Variants in CNBD1 observed in about 807,000 individuals in gnomAD.
The protein encoded by CNBD1 is cyclic nucleotide binding domain containing 1.
A neutral mutation model predicts 54.4 loss-of-function variants in CNBD1; 71 were observed. The ratio of observed to expected loss-of-function variants is 1.30; its 90% CI spans 1.08 to 1.59. The LOEUF is 1.59. CNBD1 is among the 40% of genes most tolerant of loss of function. The pLI is 0.00. For synonymous variants in CNBD1, 182 were observed against 170.7 expected (o/e 1.07, Z -0.51); for missense variants, 659 against 518.0 (o/e 1.27, Z -2.64).
chr8:87,079,941 A>T (rs1810954545), intron 4 of CNBD1, among the ~76,000 whole-genome samples: 1 of 152,130 alleles, frequency 6.6e-6, no homozygotes, highest in Non-Finnish European at 1.5e-5. Context: ...TTCCAGTTTT[A>T]AGTTTTAAAT....
At chr8:87,257,117 C>A (rs1454290791) in intron 6 of CNBD1, among the ~76,000 whole-genome samples, 3 of 151,960 alleles carry the variant, frequency 2.0e-5, no homozygotes, top group Non-Finnish European at 4.4e-5. Flanking sequence ...TGCCTGTAAT[C>A]CCAGCGCTTT....
At position 86,959,526 on chromosome 8, in the gene CNBD1, T is replaced by G. The variant is rs1293344407; in HGVS notation, c.431+19772T>G. 2.0e-5 allele frequency among the ~76,000 whole-genome samples: 3 copies of G among 152,170 alleles called. No individual in the cohort carries two copies. The East Asian group carries it at 5.8e-4, about 29-fold the overall frequency. Reference sequence around the variant, plus strand: ...TTGGTCTTTTCACATAGTCCCATATTTCTTGGAGGCTTTCTTCATTTCTTT... The same window carrying G: ...TTGGTCTTTTCACATAGTCCCATATGTCTTGGAGGCTTTCTTCATTTCTTT... On this transcript the variant is annotated intron_variant, in intron 4 of 10. Coordinates refer to ENST00000518476, the MANE Select transcript of CNBD1 (RefSeq NM_173538.3).
intron 10 of CNBD1, among the ~76,000 whole-genome samples, chr8:87,354,287 C>T (rs1173583927): frequency 6.6e-6 from 1 of 151,988 alleles, no homozygotes; most frequent in Non-Finnish European, 1.5e-5. Context: ...GAAAGCATTC[C>T]ATTGCAGCAT....
At chr8:87,098,705 A>G (rs1811364445) in intron 4 of CNBD1, among the ~76,000 whole-genome samples, 1 of 149,354 alleles carries the variant, frequency 6.7e-6, no homozygotes, top group Non-Finnish European at 1.5e-5. Flanking sequence ...TGTATTAGAC[A>G]CTACTTTTGG....
chr8:87,342,350 T>C (rs907540995), intron 8 of CNBD1, among the ~76,000 whole-genome samples: 35 of 152,262 alleles, frequency 2.3e-4, no homozygotes, highest in African/African-American at 7.7e-4. Context: ...AGTAAGAGTC[T>C]GGTGCTTCCT....
intron 8 of CNBD1, among the ~76,000 whole-genome samples, chr8:87,345,839 C>T (rs1362724413): frequency 1.3e-5 from 2 of 152,034 alleles, no homozygotes; most frequent in Admixed American, 1.3e-4. Context: ...GTAATTAAGT[C>T]TGTTGACTAC....
chr8:87,426,712 C>T lies in CNBD1; in HGVS notation c.214-1834C>T, dbSNP rs578086223. On this transcript the variant is annotated intron_variant, in intron 2 of 7. Transcript: ENST00000521593. Reference sequence around the variant, plus strand: ...TTTCTGTGAGGACTACATGAAATAACGGCAATTGCAGATTCTGTGAGGTGG... The same window carrying T: ...TTTCTGTGAGGACTACATGAAATAATGGCAATTGCAGATTCTGTGAGGTGG... Among the ~76,000 whole-genome samples the T allele has an allele frequency of 1.9e-4, 29 of 152,144 alleles. 1 individual carries two copies. The highest frequency in any genetic ancestry group is 1.7e-3 in the South Asian group (8 of 4,822).
At chr8:87,243,321 C>T (rs1413166334) in intron 6 of CNBD1, among the ~76,000 whole-genome samples, 1 of 152,196 alleles carries the variant, frequency 6.6e-6, no homozygotes, top group Non-Finnish European at 1.5e-5. Context: ...TTGTTTCAAA[C>T]AAGAACATAT....
At chr8:87,296,213 T>C (rs1250237458) in intron 8 of CNBD1, among the ~76,000 whole-genome samples, 2 of 152,224 alleles carry the variant, frequency 1.3e-5, no homozygotes, top group East Asian at 1.9e-4. Flanking sequence ...TCCTGTCTTC[T>C]ACCCATAGGA....
At chr8:87,007,003 C>A (rs1356037250) in intron 4 of CNBD1, among the ~76,000 whole-genome samples, 1 of 152,180 alleles carries the variant, frequency 6.6e-6, no homozygotes, top group African/African-American at 2.4e-5. Flanking sequence ...TCAAGACCAG[C>A]CTGGCCAACA....
At chr8:86,925,687 C>T (rs1167413488) in intron 3 of CNBD1, among the ~76,000 whole-genome samples, 1 of 149,830 alleles carries the variant, frequency 6.7e-6, no homozygotes, top group East Asian at 2.0e-4. Context: ...TTGTGATCAG[C>T]CTTGCTAACA....
intron 4 of CNBD1, among the ~76,000 whole-genome samples, chr8:87,121,677 C>T (rs1811893092): frequency 6.6e-6 from 1 of 151,730 alleles, no homozygotes; most frequent in African/African-American, 2.4e-5. Context: ...TCCCTGTACT[C>T]CCAATCAGCT....
chr8:87,292,776 C>A (rs547931229), intron 8 of CNBD1, among the ~76,000 whole-genome samples: 102 of 152,170 alleles, frequency 6.7e-4, no homozygotes, highest in Non-Finnish European at 1.0e-3. Context: ...TGGAAGAAGT[C>A]AGGAGCAGCT....
At chr8:87,263,307 T>C (rs1355070086) in intron 6 of CNBD1, among the ~76,000 whole-genome samples, 1 of 152,218 alleles carries the variant, frequency 6.6e-6, no homozygotes, top group Admixed American at 6.6e-5. Context: ...AACTTTTTTC[T>C]ATTTTTAAGC....
intron 3 of CNBD1, among the ~76,000 whole-genome samples, chr8:86,938,916 A>G (rs1210650021): frequency 9.2e-5 from 14 of 152,214 alleles, no homozygotes. Flanking sequence ...CTTCCTATGT[A>G]TATAATTAAA....
In CNBD1 at chr8:87,137,301, A is replaced by G. The variant is rs184807014; in HGVS notation, c.432-68692A>G. On this transcript the variant is annotated intron_variant, in intron 4 of 10. Transcript: ENST00000518476. ...AAGCTCCGCCTCCTGGGTTCACACTATTCTCCTGCCTCAGCCTCCCGAGTA... is the reference window on the plus strand; with the variant it reads ...AAGCTCCGCCTCCTGGGTTCACACTGTTCTCCTGCCTCAGCCTCCCGAGTA... Among the ~76,000 whole-genome samples the G allele has an allele frequency of 8.0e-3, 1,208 of 150,522 alleles. 10 individuals carry two copies. The highest frequency in any genetic ancestry group is 0.028 in the Middle Eastern group (8 of 288).
intron 8 of CNBD1, among the ~76,000 whole-genome samples, chr8:87,348,973 TC>T (rs1563564008): frequency 6.6e-6 from 1 of 152,214 alleles, no homozygotes; most frequent in Non-Finnish European, 1.5e-5. Flanking sequence ...TTCATAATGA[TC>T]TAATGCTTTC....
At chr8:86,927,141 A>G (rs1809375051) in intron 3 of CNBD1, among the ~76,000 whole-genome samples, 1 of 152,108 alleles carries the variant, frequency 6.6e-6, no homozygotes, top group African/African-American at 2.4e-5. Flanking sequence ...TCATTTTCCC[A>G]TACTCCTAGA....
intron 4 of CNBD1, among the ~76,000 whole-genome samples, chr8:87,116,336 G>C (rs1332557024): frequency 3.3e-5 from 5 of 150,930 alleles, no homozygotes; most frequent in African/African-American, 1.2e-4. Context: ...TGACTAGCTG[G>C]GACTACAGGC....
Sources: gnomAD v4.1 joint callset for allele counts (sites outside exome capture counted in the v4.1 genomes callset) on GRCh38, gnomAD v4.1.1 for gene constraint, MANE v1.5 for transcripts, NCBI Gene and HGNC (gene_info 2026-07-23, HGNC 2026-07-21) for gene names.